Variants in SCRG1 observed in about 807,000 individuals in gnomAD.
SCRG1 encodes scrapie-responsive protein 1.
SCRG1 carries 3 observed loss-of-function variants against 7.7 expected under a neutral mutation model. The ratio of observed to expected loss-of-function variants is 0.39; its 90% CI spans 0.18 to 1.01. The LOEUF (loss-of-function observed/expected upper bound fraction) is 1.01. SCRG1 is among the 50% of genes least tolerant of loss of function. The pLI is 0.36. For missense variants in SCRG1, 110 were observed against 117.2 expected, an observed-to-expected ratio of 0.94 and a Z score of 0.28; for synonymous variants, 46 against 41.2, an observed-to-expected ratio of 1.12 and a Z score of -0.44.
At chr4:173,484,430 TA>T in the SCRG1 span, among the ~76,000 whole-genome samples, 2 of 68,012 alleles carry the variant, frequency 2.9e-5, no homozygotes, top group African/African-American at 6.4e-5. Context: ...TATTATATAT[TA>T]TATACATATG....
the SCRG1 span, among the ~76,000 whole-genome samples, chr4:173,497,278 T>C: frequency 6.6e-6 from 1 of 152,158 alleles, no homozygotes; most frequent in South Asian, 2.1e-4. Context: ...GACAACATTC[T>C]GGAGTGACTG....
the SCRG1 span, among the ~76,000 whole-genome samples, chr4:173,509,601 A>G: frequency 1.2e-4 from 19 of 152,088 alleles, no homozygotes; most frequent in South Asian, 4.0e-3. The surrounding 1 kb of genome is among the most constrained non-coding windows in gnomAD (Gnocchi z 5.7). Context: ...TTCCTTCCCG[A>G]GTGAGCTCAC....
the SCRG1 span, among the ~76,000 whole-genome samples, chr4:173,514,991 G>T: frequency 6.6e-6 from 1 of 152,206 alleles, no homozygotes; most frequent in African/African-American, 2.4e-5. Context: ...TCCCACAAAG[G>T]CAGGTGGTTA....
the SCRG1 span, among the ~76,000 whole-genome samples, chr4:173,454,708 T>C: frequency 6.6e-6 from 1 of 152,126 alleles, no homozygotes; most frequent in Non-Finnish European, 1.5e-5. Flanking sequence ...AGGGGTCAGG[T>C]CTAGAGAAGC....
chr4:173,411,974 G>A, the SCRG1 span, among the ~76,000 whole-genome samples: 1 of 152,170 alleles, frequency 6.6e-6, no homozygotes, highest in African/African-American at 2.4e-5. Context: ...TGTGTACCCA[G>A]AGTACTTTTG....
chr4:173,432,010 T>C, the SCRG1 span, among the ~76,000 whole-genome samples: 149,698 of 152,354 alleles, frequency 0.98, 73,606 homozygotes, highest in South Asian at 1. Context: ...GATTTCCAGA[T>C]AGGAATCACT....
the SCRG1 span, among the ~76,000 whole-genome samples, chr4:173,509,458 C>T: frequency 6.6e-6 from 1 of 152,158 alleles, no homozygotes; most frequent in Non-Finnish European, 1.5e-5. The surrounding 1 kb of genome is among the most constrained non-coding windows in gnomAD (Gnocchi z 5.7). Flanking sequence ...TAGCGGGGGC[C>T]GCAGCGCTTT....
At chr4:173,415,748 T>C in the SCRG1 span, among the ~76,000 whole-genome samples, 1 of 152,098 alleles carries the variant, frequency 6.6e-6, no homozygotes, top group African/African-American at 2.4e-5. Flanking sequence ...CTTAGAAGCC[T>C]AAAACAAACA....
chr4:173,494,883 G>A, the SCRG1 span, among the ~76,000 whole-genome samples: 1 of 152,194 alleles, frequency 6.6e-6, no homozygotes, highest in Non-Finnish European at 1.5e-5. Flanking sequence ...TTTACGCATT[G>A]ATTGGTTCTG....
At chr4:173,421,658 T>A in the SCRG1 span, among the ~76,000 whole-genome samples, 1 of 152,156 alleles carries the variant, frequency 6.6e-6, no homozygotes, top group African/African-American at 2.4e-5. Flanking sequence ...CTTTTCTACT[T>A]CACAACATGT....
chr4:173,478,137 G>A, the SCRG1 span, among the ~76,000 whole-genome samples: 1 of 151,996 alleles, frequency 6.6e-6, no homozygotes, highest in Non-Finnish European at 1.5e-5. Context: ...AAAGTTAATT[G>A]GAAAAACATA....
At chr4:173,455,338 GT>G in the SCRG1 span, among the ~76,000 whole-genome samples, 1 of 152,202 alleles carries the variant, frequency 6.6e-6, no homozygotes, top group Admixed American at 6.5e-5. Context: ...ACATATACCT[GT>G]AGTGTGCTTT....
At chr4:173,512,501 G>A in the SCRG1 span, among the ~76,000 whole-genome samples, 3 of 152,252 alleles carry the variant, frequency 2.0e-5, no homozygotes, top group Non-Finnish European at 4.4e-5. Context: ...CACACGCAGA[G>A]AAAGTAATTG....
At chr4:173,483,826 T>TTAC in the SCRG1 span, among the ~76,000 whole-genome samples, 2 of 93,808 alleles carry the variant, frequency 2.1e-5, no homozygotes, top group African/African-American at 1.1e-4. Flanking sequence ...ATATATAATA[T>TTAC]ATATAATATA....
At chr4:173,485,050 ATATATTATATATTATATAT>A in the SCRG1 span, among the ~76,000 whole-genome samples, 50 of 7,616 alleles carry the variant, frequency 6.6e-3, 12 homozygotes, top group African/African-American at 0.015. Context: ...ATATTATATA[ATATATTATATATTATATAT>A]TATATATTAT....
the SCRG1 span, among the ~76,000 whole-genome samples, chr4:173,515,220 A>G: frequency 6.6e-6 from 1 of 152,194 alleles, no homozygotes; most frequent in Admixed American, 6.5e-5. The surrounding 1 kb of genome is among the most constrained non-coding windows in gnomAD (Gnocchi z 4.6). Context: ...TTTTTCCAAG[A>G]TGGCAAGGGA....
the SCRG1 span, among the ~76,000 whole-genome samples, chr4:173,511,988 T>C: frequency 2.6e-5 from 4 of 152,208 alleles, no homozygotes; most frequent in African/African-American, 9.7e-5. The surrounding 1 kb of genome is among the most constrained non-coding windows in gnomAD (Gnocchi z 5.2). Flanking sequence ...CATGATTCAT[T>C]AGGACTGTAA....
At chr4:173,477,002 T>A in the SCRG1 span, among the ~76,000 whole-genome samples, 1 of 152,186 alleles carries the variant, frequency 6.6e-6, no homozygotes, top group Admixed American at 6.5e-5. Flanking sequence ...ATGTGTTGGT[T>A]CCTTGTTTTA....
chr4:173,402,656 C>T (rs539007443), upstream of SCRG1, among the ~76,000 whole-genome samples: 12 of 152,144 alleles, frequency 7.9e-5, no homozygotes, highest in African/African-American at 2.9e-4. Flanking sequence ...ATGCATTCAC[C>T]CTAATTTAGA....
Sources: allele counts gnomAD v4.1 joint callset (sites outside exome capture counted in the v4.1 genomes callset), GRCh38; gene constraint gnomAD v4.1.1; non-coding constraint Gnocchi (gnomAD v3.1); transcripts MANE v1.5; gene names NCBI Gene and HGNC (gene_info 2026-07-23, HGNC 2026-07-21).